Variants in PLPPR4 observed in about 807,000 individuals in gnomAD.
PLPPR4 encodes phospholipid phosphatase related 4.
Under a neutral mutation model 56.6 loss-of-function variants are expected in PLPPR4, and 24 were observed. The observed-to-expected ratio is 0.42, with a 90% CI of 0.31 to 0.60. The LOEUF is 0.60. PLPPR4 is among the 20% of genes least tolerant of loss of function. The probability of loss-of-function intolerance (pLI) is 0.13; values close to 1 mark genes in which losing one functional copy is unlikely to be tolerated. For missense variants in PLPPR4, 654 were observed against 885.8 expected (o/e 0.74, Z 3.32); for synonymous variants, 326 against 328.1 (o/e 0.99, Z 0.07).
chr1:99,300,127 A>G (rs1372520956), intron 4 of PLPPR4, among the ~76,000 whole-genome samples: 1 of 151,948 alleles, frequency 6.6e-6, no homozygotes, highest in East Asian at 1.9e-4. Context: ...TTTTTTTCTC[A>G]GTCCTATTAC....
chr1:99,300,046 G>T (rs1659845231), intron 4 of PLPPR4, among the ~76,000 whole-genome samples: 1 of 151,868 alleles, frequency 6.6e-6, no homozygotes, highest in Non-Finnish European at 1.5e-5. Context: ...GATGTTATGT[G>T]ATTATACACA....
chr1:99,299,201 A>G lies in PLPPR4; in HGVS notation c.561A>G (p.Gly187=). The G allele has an allele frequency of 6.2e-7, 1 of 1,613,220 alleles. No homozygotes were observed. The highest frequency in any genetic ancestry group is 8.5e-7 in the Non-Finnish European group (1 of 1,179,528). Residue 187 remains glycine, a synonymous_variant, in exon 4 of 7, where the codon GGA becomes GGG. Transcript: ENST00000370185. ...NSYIVEDICS[G]SDLTVINSGR... ...ACATTGTGGAAGATATTTGCTCAGG[A>G]TCTGACCTCACAGTTATCAACAGTG... is the stretch of plus-strand genomic sequence containing the variant.
At chr1:99,264,790 A>C (rs1658849089) in intron 1 of PLPPR4, 119 bp downstream of exon 1, 1 of 1,001,316 alleles carries the variant, frequency 1.0e-6, no homozygotes, top group Non-Finnish European at 1.5e-6. Context: ...GCTGTCCCCA[A>C]ATGCCCGACC....
chr1:99,267,272 T>C (rs1337843222), intron 1 of PLPPR4, among the ~76,000 whole-genome samples: 2 of 152,114 alleles, frequency 1.3e-5, no homozygotes, highest in Non-Finnish European at 1.5e-5. Context: ...GAAACTTTAA[T>C]TGGGAAAATG....
At position 99,306,772 on chromosome 1, in the gene PLPPR4, G is replaced by C. The variant is rs1234163476; in HGVS notation, c.1910G>C (p.Arg637Pro). Residue 637 changes from arginine (R) to proline (P), a missense_variant, in exon 7 of 7, where the codon CGC becomes CCC. Around this residue, in one of 2 missense-constraint regions of PLPPR4, gnomAD observed 468 missense variants for 554.3 expected, o/e 0.84. Transcript: ENST00000370185. The surrounding 1 kb of genome is among the most constrained non-coding windows in gnomAD (Gnocchi z 4.0). ...SLKDSFGSGD[R>P]KRSNIDSNEH... ...AAAGACAGCTTTGGTTCTGGAGATC[G>C]CAAGAGAAGCAACATTGATAGCAAT... 4.3e-6 allele frequency: 7 copies of C among 1,613,960 alleles called. No homozygotes were observed. Among genetic ancestry groups the C allele is most frequent in the Non-Finnish European group, 5.9e-6 (7 of 1,179,960 alleles).
Position 99,306,995 on chromosome 1 carries a change from G to A in PLPPR4, c.2133G>A (p.Arg711=), listed in dbSNP as rs1320737744. ...NIFYKGTSPT[R]AYKD ...TCTACAAAGGAACCTCCCCCACACGGGCTTATAAGGATTGAGTGATGTCCA... is the reference window on the plus strand; with the variant it reads ...TCTACAAAGGAACCTCCCCCACACGAGCTTATAAGGATTGAGTGATGTCCA... Residue 711 remains arginine, a synonymous_variant, in exon 7 of 7, where the codon CGG becomes CGA. Transcript: ENST00000370185. The surrounding 1 kb of genome is among the most constrained non-coding windows in gnomAD (Gnocchi z 4.0). 2 of 1,598,606 alleles carry A rather than the reference G, an allele frequency of 1.3e-6. No individual in the cohort carries two copies. The highest frequency in any genetic ancestry group is 8.5e-7 in the Non-Finnish European group (1 of 1,176,146).
At chr1:99,281,882 C>G (rs1659336749) in intron 1 of PLPPR4, among the ~76,000 whole-genome samples, 1 of 152,082 alleles carries the variant, frequency 6.6e-6, no homozygotes, top group Non-Finnish European at 1.5e-5. Flanking sequence ...CTTAGAATAG[C>G]TCTTGCATAT....
intron 1 of PLPPR4, among the ~76,000 whole-genome samples, chr1:99,272,396 C>T (rs1301467576): frequency 6.6e-6 from 1 of 152,076 alleles, no homozygotes; most frequent in Non-Finnish European, 1.5e-5. Flanking sequence ...GTGCTCTTTC[C>T]TAATTATTAC....
At chr1:99,264,430 G>C (rs995938008), upstream of PLPPR4, 11 of 1,463,718 alleles carry the variant, frequency 7.5e-6, no homozygotes, top group Non-Finnish European at 9.9e-6. Flanking sequence ...AAAGGGGCGG[G>C]GAGAAGGCGG....
chr1:99,280,824 T>C (rs1255306501), intron 1 of PLPPR4, among the ~76,000 whole-genome samples: 1 of 152,202 alleles, frequency 6.6e-6, no homozygotes, highest in Non-Finnish European at 1.5e-5. Context: ...GCTGTCTTTC[T>C]GGTTTAGGAG....
chr1:99,267,822 G>A (rs1658941621), intron 1 of PLPPR4, among the ~76,000 whole-genome samples: 1 of 152,140 alleles, frequency 6.6e-6, no homozygotes, highest in Admixed American at 6.5e-5. Context: ...ACACAAATGG[G>A]GAGAGTGAAG....
chr1:99,295,825 G>T (rs558932967), intron 2 of PLPPR4, among the ~76,000 whole-genome samples: 10 of 152,118 alleles, frequency 6.6e-5, no homozygotes, highest in Non-Finnish European at 1.2e-4. Context: ...ATAAGAAATG[G>T]TTCTTCCCTC....
chr1:99,303,464 G>T (rs1157289948), intron 6 of PLPPR4, among the ~76,000 whole-genome samples: 1 of 152,114 alleles, frequency 6.6e-6, no homozygotes, highest in Non-Finnish European at 1.5e-5. Context: ...TACCATTGTA[G>T]TTACTACGGT....
At position 99,301,818 on chromosome 1, in the gene PLPPR4, C is replaced by T. The variant is rs1223742126; in HGVS notation, c.743C>T (p.Thr248Ile). 6.2e-7 allele frequency: 1 copy of T among 1,612,746 alleles called. No homozygotes were observed. Among genetic ancestry groups the T allele is most frequent in the South Asian group, 1.1e-5 (1 of 90,980 alleles). ...FIICGIICGL[T>I]RITQYKNHPV... ...ATCTGTGGAATAATCTGCGGGCTAA[C>T]ACGGATAACTCAGTATAAGAACCAC... is the stretch of plus-strand genomic sequence containing the variant. The change falls in exon 6 of 7, where the codon ACA (threonine) becomes ATA (isoleucine). Residue 248 changes from threonine (T) to isoleucine (I), a missense_variant. Coordinates refer to ENST00000370185, the MANE Select transcript of PLPPR4 (RefSeq NM_014839.5).
At chr1:99,296,643 T>G in intron 2 of PLPPR4, 95 bp from the exon 3 acceptor site, 7 of 990,162 alleles carry the variant, frequency 7.1e-6, no homozygotes, top group African/African-American at 1.7e-5. Flanking sequence ...TTTATTGAAT[T>G]GATATGTTAA....
chr1:99,303,771 G>A (rs760010464), intron 6 of PLPPR4, among the ~76,000 whole-genome samples: 4 of 152,084 alleles, frequency 2.6e-5, no homozygotes, highest in South Asian at 2.1e-4. Context: ...ATTCTCACTC[G>A]CATGCATTCT....
intron 4 of PLPPR4, among the ~76,000 whole-genome samples, chr1:99,299,629 T>A (rs761180300): frequency 6.6e-6 from 1 of 150,452 alleles, no homozygotes; most frequent in East Asian, 1.9e-4. Flanking sequence ...CTCCATTATA[T>A]GTTCCATAAA....
chr1:99,306,758 T>C lies in PLPPR4; in HGVS notation c.1896T>C (p.Phe632=). The C allele has an allele frequency of 6.2e-7, 1 of 1,614,062 alleles. No homozygotes were observed. The highest frequency in any genetic ancestry group is 8.5e-7 in the Non-Finnish European group (1 of 1,179,992). Residue 632 remains phenylalanine, a synonymous_variant, in exon 7 of 7, where the codon TTT becomes TTC. Transcript: ENST00000370185. This position sits in a 1 kb window ranked among gnomAD's most constrained non-coding sequence, Gnocchi z 4.0. ...GCTGTGAGTCTCTGAAAGACAGCTT[T>C]GGTTCTGGAGATCGCAAGAGAAGCA... ...SESCESLKDS[F]GSGDRKRSNI...
chr1:99,270,271 C>A (rs1570905475), intron 1 of PLPPR4, among the ~76,000 whole-genome samples: 1 of 152,150 alleles, frequency 6.6e-6, no homozygotes, highest in African/African-American at 2.4e-5. Flanking sequence ...AGCAATCCTC[C>A]CGCCTCAGCC....
Sources: gnomAD v4.1 joint callset for allele counts (sites outside exome capture counted in the v4.1 genomes callset) on GRCh38, gnomAD v4.1.1 for gene constraint, gnomAD v4.1.1 regional missense constraint, Gnocchi (gnomAD v3.1) non-coding constraint, MANE v1.5 for transcripts, NCBI Gene and HGNC (gene_info 2026-07-23, HGNC 2026-07-21) for gene names.